GFRA2: variants seen among roughly 807,000 people sequenced by gnomAD.
GFRA2 encodes GDNF family receptor alpha-2.
A neutral mutation model predicts 48.3 loss-of-function variants in GFRA2; 17 were observed. The observed-to-expected ratio is 0.35, with a 90% CI of 0.24 to 0.53. The LOEUF (loss-of-function observed/expected upper bound fraction) is 0.53, where lower values mean the gene tolerates loss of function less well. GFRA2 is among the 20% of genes least tolerant of loss of function. The probability of loss-of-function intolerance (pLI) is 0.93; values close to 1 mark genes in which losing one functional copy is unlikely to be tolerated. For missense variants in GFRA2, 660 were observed against 637.3 expected (o/e 1.04, Z -0.38); for synonymous variants, 305 against 257.2 (o/e 1.19, Z -1.78).
chr8:21,787,281 G>T (rs992335717), intron 1 of GFRA2, among the ~76,000 whole-genome samples: 2 of 149,664 alleles, frequency 1.3e-5, no homozygotes, highest in African/African-American at 4.9e-5. Context: ...GCAGTGGGGG[G>T]GGTTTGCAGA....
chr8:21,807,310 CCT>C (rs1331434035), intron 1 of GFRA2, among the ~76,000 whole-genome samples: 2 of 152,142 alleles, frequency 1.3e-5, no homozygotes, highest in African/African-American at 4.8e-5. Context: ...TCACTCTCAC[CCT>C]CTCTTGCCTT....
At chr8:21,809,587 A>G (rs565683213) in intron 1 of GFRA2, among the ~76,000 whole-genome samples, 1 of 152,162 alleles carries the variant, frequency 6.6e-6, no homozygotes, top group South Asian at 2.1e-4. Flanking sequence ...TCGGCCTCCC[A>G]AAGTGCTAGG....
In GFRA2 at chr8:21,735,833, A is replaced by AT. The variant is rs548014986; in HGVS notation, c.794+14754dup. Among the ~76,000 whole-genome samples the AT allele has an allele frequency of 5.8e-3, 854 of 147,676 alleles. 4 individuals carry two copies. The highest frequency in any genetic ancestry group is 0.01 in the Middle Eastern group (3 of 286). On this transcript the variant is annotated intron_variant, in intron 4 of 8. Transcript: ENST00000524240. ...GGGCCCATGCCACCACACCCAGATA[A>AT]TTAAAAAAAAAAAAAAATTGTAGAG...
Position 21,692,505 on chromosome 8 carries a change from C to G in GFRA2, c.*773G>C, listed in dbSNP as rs1167356979. ...GAAAGCAAAGAAGCCAACAAAGGACCGTTTCTCTCTGACTTCAAAATTTCT... is the reference window on the plus strand; with the variant it reads ...GAAAGCAAAGAAGCCAACAAAGGACGGTTTCTCTCTGACTTCAAAATTTCT... On this transcript the variant is annotated 3_prime_UTR_variant, in exon 9 of 9. Coordinates refer to ENST00000524240, the MANE Select transcript of GFRA2 (RefSeq NM_001495.5). 2.0e-5 allele frequency: 3 copies of G among 152,202 alleles called. No individual in the cohort carries two copies. The highest frequency in any genetic ancestry group is 1.9e-4 in the East Asian group (1 of 5,148). 9.4% of individuals were successfully genotyped at this position (152,202 alleles called of 1,614,324 possible).
chr8:21,749,833 C>T (rs1163469212), intron 4 of GFRA2, among the ~76,000 whole-genome samples: 1 of 151,762 alleles, frequency 6.6e-6, no homozygotes, highest in South Asian at 2.1e-4. Flanking sequence ...ACAAAATTTT[C>T]CTGACCTTCC....
intron 7 of GFRA2, among the ~76,000 whole-genome samples, 160 bp from the exon 8 acceptor site, chr8:21,694,677 G>T (rs28564089): frequency 0.17 from 25,838 of 152,154 alleles, 4,656 homozygotes; most frequent in African/African-American, 0.45. Flanking sequence ...CAGCACAAAA[G>T]GCTTCTGCCC....
intron 4 of GFRA2, among the ~76,000 whole-genome samples, chr8:21,743,789 T>C (rs1804865879): frequency 6.6e-6 from 1 of 152,364 alleles, no homozygotes; most frequent in Middle Eastern, 3.4e-3. Context: ...TCTTTGCTAC[T>C]GAGCCAGGAG....
chr8:21,698,659 C>T (rs1389482152), intron 7 of GFRA2, among the ~76,000 whole-genome samples: 1 of 152,308 alleles, frequency 6.6e-6, no homozygotes, highest in African/African-American at 2.4e-5. Flanking sequence ...GTCTCCATCA[C>T]CACAACTCAG....
intron 4 of GFRA2, among the ~76,000 whole-genome samples, chr8:21,732,739 A>C (rs1247360146): frequency 1.3e-5 from 2 of 152,246 alleles, no homozygotes; most frequent in Non-Finnish European, 2.9e-5. Flanking sequence ...GGAATTCAAA[A>C]AATTAGGAAA....
chr8:21,799,220 GA>G (rs35887634), intron 2 of GFRA2, among the ~76,000 whole-genome samples: 52,701 of 149,248 alleles, frequency 0.35, 9,519 homozygotes, highest in African/African-American at 0.41. Flanking sequence ...CTGACCAGAG[GA>G]TTTTTTTTTT....
chr8:21,808,502 T>C (rs1351945209), intron 1 of GFRA2, among the ~76,000 whole-genome samples: 1 of 152,274 alleles, frequency 6.6e-6, no homozygotes, highest in East Asian at 1.9e-4. Flanking sequence ...AAGCCTAGTA[T>C]GTGCCTTTCA....
chr8:21,778,620 G>A (rs1197022080), intron 2 of GFRA2, among the ~76,000 whole-genome samples: 3 of 152,184 alleles, frequency 2.0e-5, no homozygotes, highest in Non-Finnish European at 4.4e-5. Flanking sequence ...AGGACGCAGC[G>A]GCTTATGCCT....
intron 4 of GFRA2, among the ~76,000 whole-genome samples, chr8:21,714,232 A>C (rs1388418691): frequency 1.6e-5 from 2 of 126,976 alleles, no homozygotes; most frequent in East Asian, 2.5e-4. Flanking sequence ...ATCAATACAT[A>C]CTGGTCTGAA....
chr8:21,791,042 G>A (rs1311753574), upstream of GFRA2, among the ~76,000 whole-genome samples: 1 of 151,994 alleles, frequency 6.6e-6, no homozygotes, highest in Non-Finnish European at 1.5e-5. Flanking sequence ...TCTCACGCAG[G>A]CCTTCCCCCT....
intron 4 of GFRA2, among the ~76,000 whole-genome samples, chr8:21,719,301 C>G (rs943431193): frequency 6.6e-5 from 10 of 152,096 alleles, no homozygotes; most frequent in African/African-American, 2.4e-4. Context: ...AGATGGGAGC[C>G]AAGGCCACAT....
At chr8:21,704,273 C>G (rs936988670) in intron 6 of GFRA2, among the ~76,000 whole-genome samples, 10 of 152,228 alleles carry the variant, frequency 6.6e-5, no homozygotes, top group Non-Finnish European at 1.5e-4. Flanking sequence ...CTCCCTCTTC[C>G]TGGCTGACTT....
Position 21,710,457 on chromosome 8 carries a change from G to GC in GFRA2, c.795-4417dup, listed in dbSNP as rs556338540. On this transcript the variant is annotated intron_variant, in intron 4 of 8. Coordinates refer to ENST00000524240, the MANE Select transcript of GFRA2 (RefSeq NM_001495.5). ...TCGGTCCCACACAGGGCAAGTGAGC[G>GC]CATCAAGGAGACGGGGCTCCCTCTC... is the stretch of plus-strand genomic sequence containing the variant. Among the ~76,000 whole-genome samples, 13 of 152,038 alleles carry GC rather than the reference G, an allele frequency of 8.6e-5. No individual in the cohort carries two copies. In the South Asian group the frequency reaches 2.5e-3, roughly 29 times the overall value.
At chr8:21,752,999 CCCCCATACCCCA>C (rs1165166339) in intron 3 of GFRA2, among the ~76,000 whole-genome samples, 1 of 152,084 alleles carries the variant, frequency 6.6e-6, no homozygotes, top group Non-Finnish European at 1.5e-5. Flanking sequence ...TTGCCCTGTG[CCCCCATACCCCA>C]CCCCATGACA....
At chr8:21,697,253 TAGC>T (rs1802255233) in intron 7 of GFRA2, among the ~76,000 whole-genome samples, 1 of 68,060 alleles carries the variant, frequency 1.5e-5, no homozygotes, top group Non-Finnish European at 2.8e-5. Context: ...GGGAGAAAGA[TAGC>T]AGGAGGGGAG....
Sources: allele counts gnomAD v4.1 joint callset (sites outside exome capture counted in the v4.1 genomes callset), GRCh38; gene constraint gnomAD v4.1.1; transcripts MANE v1.5; gene names NCBI Gene and HGNC (gene_info 2026-07-23, HGNC 2026-07-21).